LILRA2: variants seen among roughly 807,000 people sequenced by gnomAD.
LILRA2 encodes leukocyte immunoglobulin like receptor A2.
Under a neutral mutation model 47.9 loss-of-function variants are expected in LILRA2, and 45 were observed. The ratio of observed to expected loss-of-function variants is 0.94; its 90% CI spans 0.74 to 1.20. LILRA2 has a LOEUF of 1.20. LILRA2 is among the 50% of genes most tolerant of loss of function. The pLI is 0.00. For missense variants in LILRA2, 651 were observed against 598.2 expected (o/e 1.09, Z -0.92); for synonymous variants, 279 against 249.2 (o/e 1.12, Z -1.13).
chr19:54,587,206 C>G lies in LILRA2; in HGVS notation c.1312C>G (p.Leu438Val), dbSNP rs759209987. 16 of 1,614,076 alleles carry G rather than the reference C, an allele frequency of 9.9e-6. No individual in the cohort carries two copies. The highest frequency in any genetic ancestry group is 1.3e-5 in the Non-Finnish European group (15 of 1,179,978). ...TCTGTGACCTCTTTGTCCAGCATCC[C>G]TAGGCCAACACCCCCAGGATTACAC... ...QNKTDSTTTS[L>V]GQHPQDYTVE... Residue 438 changes from leucine to valine, a missense_variant, in exon 8 of 8, where the codon CTA (leucine) becomes GTA (valine). Coordinates refer to ENST00000391738, the MANE Select transcript of LILRA2 (RefSeq NM_001130917.3).
rs1161130574 is a variant in LILRA2, at chr19:54,574,981, C to T, written c.603C>T (p.Asn201=). 3,398 of 1,593,842 alleles carry T rather than the reference C, an allele frequency of 2.1e-3. No individual in the cohort carries two copies. In the East Asian group the frequency reaches 0.035, roughly 17 times the overall value. ...WSYRCYAYDS[N]SPYVWSLPSD... is the part of the protein sequence containing the mutation. ...ACAGGTGCTATGCTTATGACTCGAA[C>T]TCTCCCTATGTGTGGTCTCTACCCA... The change falls in exon 4 of 8, where the codon AAC becomes AAT. Residue 201 remains asparagine, a synonymous_variant. Transcript: ENST00000391738.
chr19:54,577,512 C>T (rs1195643920), intron 6 of LILRA2: 2 of 1,289,524 alleles, frequency 1.6e-6, no homozygotes, highest in Non-Finnish European at 2.0e-6. Flanking sequence ...GTCCCTGGGC[C>T]ATCTCAAGAC....
chr19:54,575,461 C>T lies in LILRA2; in HGVS notation c.861C>T (p.Pro287=), dbSNP rs2062376033. ...ACTTCACCCTGGGCCCTGTGAGCCC[C>T]TCCCACGGGGGCCAGTACAGATGCT... ...QANFTLGPVS[P]SHGGQYRCYS... Residue 287 remains proline, a synonymous_variant, in exon 5 of 8, where the codon CCC becomes CCT. Transcript: ENST00000391738. 4 of 1,613,700 alleles carry T rather than the reference C, an allele frequency of 2.5e-6. No homozygotes were observed. Among genetic ancestry groups the T allele is most frequent in the African/African-American group, 2.7e-5 (2 of 74,904 alleles).
chr19:54,576,334 G>T (rs1302640324), intron 6 of LILRA2, among the ~76,000 whole-genome samples: 1 of 131,476 alleles, frequency 7.6e-6, no homozygotes, highest in African/African-American at 3.0e-5. Context: ...CGGGGGCGGG[G>T]GGGCGGGTGG....
chr19:54,584,029 G>T lies in LILRA2; in HGVS notation c.1256-2981G>T, dbSNP rs184546927. ...AGGATTTTATTTCTCCTTCACTGAT[G>T]AAGCTTAGTTTGGCTTGATATGACA... On this transcript the variant is annotated intron_variant, in intron 6 of 7. Transcript: ENST00000391738. Among the ~76,000 whole-genome samples, 6 of 152,282 alleles carry T rather than the reference G, an allele frequency of 3.9e-5. No individual in the cohort carries two copies. The East Asian group carries it at 9.6e-4, about 24-fold the overall frequency.
intron 6 of LILRA2, among the ~76,000 whole-genome samples, chr19:54,578,352 C>G (rs1331072861): frequency 6.6e-6 from 1 of 151,894 alleles, no homozygotes; most frequent in Non-Finnish European, 1.5e-5. Flanking sequence ...TTGTTCAACT[C>G]CCATTATGAG....
At chr19:54,577,556 T>C (rs2062504954) in intron 6 of LILRA2, 1 of 1,289,576 alleles carries the variant, frequency 7.8e-7, no homozygotes, top group Non-Finnish European at 1.0e-6. Flanking sequence ...CGGTGGGATC[T>C]GACTGTGATG....
chr19:54,574,735 C>T lies in LILRA2; in HGVS notation c.357C>T (p.Ala119=). The change falls in exon 4 of 8, where the codon GCC becomes GCT. Residue 119 remains alanine, a synonymous_variant. Transcript: ENST00000391738. ...SDPLELVVTG[A]YSKPTLSALP... ...CAGTGCCTCCTTCTCTCCTAGGAGC[C>T]TACAGCAAACCCACCCTCTCAGCTC... The T allele has an allele frequency of 6.2e-7, 1 of 1,614,092 alleles. No individual in the cohort carries two copies. The highest frequency in any genetic ancestry group is 8.5e-7 in the Non-Finnish European group (1 of 1,179,928).
chr19:54,586,121 C>T lies in LILRA2; in HGVS notation c.1256-889C>T, dbSNP rs73936597. On this transcript the variant is annotated intron_variant, in intron 6 of 7. Coordinates refer to ENST00000391738, the MANE Select transcript of LILRA2 (RefSeq NM_001130917.3). ...CATGCCAATATTTCTCAAATATTAA[C>T]GTGTATATAACTACATAATAAATAC... 7.0e-3 allele frequency among the ~76,000 whole-genome samples: 1,068 copies of T among 152,186 alleles called. 16 individuals are homozygous for T. The highest frequency in any genetic ancestry group is 0.024 in the African/African-American group (998 of 41,510).
chr19:54,586,715 G>A (rs73612441), intron 6 of LILRA2, among the ~76,000 whole-genome samples: 1 of 152,160 alleles, frequency 6.6e-6, no homozygotes, highest in African/African-American at 2.4e-5. Flanking sequence ...GCTGCACAGA[G>A]AGCACATAAG....
chr19:54,574,912 C>T lies in LILRA2; in HGVS notation c.534C>T (p.Ala178=). The change falls in exon 4 of 8, where the codon GCC becomes GCT. Residue 178 remains alanine (A), a synonymous_variant. Transcript: ENST00000391738. ...CCCATGCCCGTGGGTGGTCCTGGGCCATCTTCTCCGTGGGCCCCGTGAGCC... is the reference window on the plus strand; with the variant it reads ...CCCATGCCCGTGGGTGGTCCTGGGCTATCTTCTCCGTGGGCCCCGTGAGCC... ...SHSHARGWSW[A]IFSVGPVSPS... is the part of the protein sequence containing the mutation. 1 of 1,614,278 alleles carries T rather than the reference C, an allele frequency of 6.2e-7. No individual in the cohort carries two copies. Among genetic ancestry groups the T allele is most frequent in the Non-Finnish European group, 8.5e-7 (1 of 1,180,042 alleles).
In LILRA2 at chr19:54,587,575, G is replaced by A; in HGVS notation, c.*229G>A. 1.3e-6 allele frequency: 1 copy of A among 749,250 alleles called. No individual in the cohort carries two copies. Among genetic ancestry groups the A allele is most frequent in the Non-Finnish European group, 2.1e-6 (1 of 480,298 alleles). 46.4% of individuals were successfully genotyped at this position (749,250 alleles called of 1,614,324 possible). A position where few individuals can be genotyped will look rare whatever the true frequency, so the allele number is the denominator to read the frequency against. Reference sequence around the variant, plus strand: ...TTGTCTATGAATGTTGACTTCCCTTGACTGGATCCCCTTTTTTTCCCATCC... The same window carrying A: ...TTGTCTATGAATGTTGACTTCCCTTAACTGGATCCCCTTTTTTTCCCATCC... On this transcript the variant is annotated 3_prime_UTR_variant, in exon 8 of 8. Transcript: ENST00000391738.
intron 6 of LILRA2, among the ~76,000 whole-genome samples, chr19:54,580,197 C>CTTTTT (rs1286721953): frequency 7.5e-5 from 10 of 133,414 alleles, no homozygotes; most frequent in Non-Finnish European, 1.1e-4. Flanking sequence ...GTTTTCTTTT[C>CTTTTT]TTTTTTTTTT....
intron 6 of LILRA2, among the ~76,000 whole-genome samples, chr19:54,585,281 T>G (rs74345525): frequency 0.054 from 8,194 of 152,286 alleles, 243 homozygotes; most frequent in South Asian, 0.092. Context: ...GTTGGAGCTC[T>G]AATGCGGTGC....
Position 54,575,801 on chromosome 19 carries a change from C to T in LILRA2, c.953-6C>T. On this transcript the variant is annotated splice_region_variant and splice_polypyrimidine_tract_variant and intron_variant, in intron 5 of 7. Transcript: ENST00000391738. ...GCAGCCCCTCACCCATCCTTCTTCT[C>T]TCTAGGACAGTTCTATGACAGACCC... 1 of 1,613,450 alleles carries T rather than the reference C, an allele frequency of 6.2e-7. No homozygotes were observed. The highest frequency in any genetic ancestry group is 8.5e-7 in the Non-Finnish European group (1 of 1,179,708).
chr19:54,576,069 G>T lies in LILRA2; in HGVS notation c.1215G>T (p.Leu405=), dbSNP rs762170338. 3.0e-5 allele frequency: 48 copies of T among 1,614,016 alleles called. No homozygotes were observed. Among genetic ancestry groups the T allele is most frequent in the Admixed American group, 6.7e-5 (4 of 59,984 alleles). The change falls in exon 6 of 8, where the codon CTG becomes CTT. Residue 405 remains leucine (L), a synonymous_variant. Coordinates refer to ENST00000391738, the MANE Select transcript of LILRA2 (RefSeq NM_001130917.3). The part of the protein sequence containing the change: ...CYSSLSSNPY[L]LSLPSDPLEL... ...GCTCACTCAGCTCCAACCCCTACCT[G>T]CTGTCTCTCCCCAGTGACCCCCTGG...
chr19:54,577,635 G>A, intron 6 of LILRA2: 1 of 1,289,628 alleles, frequency 7.8e-7, no homozygotes. Context: ...CGCTCACACT[G>A]CCCCTCCTGT....
intron 5 of LILRA2, 106 bp from the exon 6 acceptor site, chr19:54,575,701 C>T: frequency 6.3e-7 from 1 of 1,576,244 alleles, no homozygotes. Flanking sequence ...AGGGGAGACT[C>T]AGAGAAAACA....
At chr19:54,577,601 G>C in intron 6 of LILRA2, 1 of 1,289,746 alleles carries the variant, frequency 7.8e-7, no homozygotes, top group South Asian at 1.2e-5. Context: ...CTCCTTTAGA[G>C]AGAAGCACCC....
Sources: gnomAD v4.1 joint callset for allele counts (sites outside exome capture counted in the v4.1 genomes callset) on GRCh38, gnomAD v4.1.1 for gene constraint, MANE v1.5 for transcripts, NCBI Gene and HGNC (gene_info 2026-07-23, HGNC 2026-07-21) for gene names.